RAD50: variants seen among roughly 807,000 people sequenced by gnomAD.
The protein encoded by RAD50 is RAD50 double strand break repair protein.
A neutral mutation model predicts 168.8 loss-of-function variants in RAD50; 132 were observed. That is an observed-to-expected ratio of 0.78 (90% CI 0.68 to 0.90). The LOEUF is 0.90. Among genes scored for constraint, RAD50 ranks in the 40% least tolerant of loss-of-function variants. RAD50 has a pLI of 0.00. For synonymous variants in RAD50, 525 were observed against 497.4 expected, an observed-to-expected ratio of 1.06 and a Z score of -0.74; for missense variants, 1,347 against 1,534.4, an observed-to-expected ratio of 0.88 and a Z score of 2.04.
intron 21 of RAD50, among the ~76,000 whole-genome samples, chr5:132,622,208 TA>T (rs1405290694): frequency 6.6e-5 from 10 of 152,104 alleles, no homozygotes; most frequent in Non-Finnish European, 1.5e-4. Flanking sequence ...TCGCCCAGGC[TA>T]GAGTGCAGTG....
chr5:132,580,556 C>A (rs758169177), intron 5 of RAD50, among the ~76,000 whole-genome samples: 6 of 152,118 alleles, frequency 3.9e-5, no homozygotes, highest in Non-Finnish European at 8.8e-5. Flanking sequence ...TGACATCTTT[C>A]TAGAGAATTT....
At chr5:132,609,883 G>A (rs891889456) in intron 19 of RAD50, among the ~76,000 whole-genome samples, 3 of 151,656 alleles carry the variant, frequency 2.0e-5, no homozygotes, top group African/African-American at 4.8e-5. Context: ...GTAAAAGTTC[G>A]AACATAAAGG....
intron 2 of RAD50, among the ~76,000 whole-genome samples, chr5:132,568,502 A>G (rs111325768): frequency 1.3e-5 from 2 of 152,222 alleles, no homozygotes; most frequent in South Asian, 2.1e-4. Context: ...AAGAAGCTGA[A>G]TGCATCACAA....
rs1449000621 is a variant in RAD50, at chr5:132,644,109, C to T, written c.*1745C>T. On this transcript the variant is annotated 3_prime_UTR_variant, in exon 25 of 25. Coordinates refer to ENST00000378823, the MANE Select transcript of RAD50 (RefSeq NM_005732.4). The stretch of plus-strand genomic sequence containing the variant: ...TTAATGAAAGTGCTAGTTGTTGCAG[C>T]AAAGAATAACAAAGGCAATACACGA... 5.2e-6 allele frequency: 1 copy of T among 191,160 alleles called. No individual in the cohort carries two copies. Among genetic ancestry groups the T allele is most frequent in the African/African-American group, 2.3e-5 (1 of 43,028 alleles). The allele number at this position is 191,160 out of a possible 1,614,324, so 11.8% of individuals were successfully genotyped here.
rs1441242803 is a variant in RAD50, at chr5:132,587,954, G to T, written c.916G>T (p.Asp306Tyr). Residue 306 changes from aspartate (D) to tyrosine (Y), a missense_variant, in exon 7 of 25, where the codon GAC (aspartate) becomes TAC (tyrosine). Coordinates refer to ENST00000378823, the MANE Select transcript of RAD50 (RefSeq NM_005732.4). Reference sequence around the variant, plus strand: ...TCAAGGGACTGATGAGCAACTAAATGACTTATATCACAATCACCAGAGAAC... The same window carrying T: ...TCAAGGGACTGATGAGCAACTAAATTACTTATATCACAATCACCAGAGAAC... ...VFQGTDEQLN[D>Y]LYHNHQRTVR... 1 of 1,613,144 alleles carries T rather than the reference G, an allele frequency of 6.2e-7. No homozygotes were observed. The highest frequency in any genetic ancestry group is 1.7e-5 in the Admixed American group (1 of 60,002).
rs1477954669 is a variant in RAD50 at position 132,644,764 on chromosome 5, G to A, written c.*2400G>A. ...AAGTGATGGTCTAATACAACTCCTTGGCCTCTCAGTCTTTTTTATTTTTTG... is the reference window on the plus strand; with the variant it reads ...AAGTGATGGTCTAATACAACTCCTTAGCCTCTCAGTCTTTTTTATTTTTTG... On this transcript the variant is annotated 3_prime_UTR_variant, in exon 25 of 25. Transcript: ENST00000378823. 1 of 152,518 alleles carries A rather than the reference G, an allele frequency of 6.6e-6. No homozygotes were observed. The highest frequency in any genetic ancestry group is 1.5e-4 in the East Asian group (1 of 6,788). The allele number at this position is 152,518 out of a possible 1,614,324, so 9.4% of individuals were successfully genotyped here. A position where few individuals can be genotyped will look rare whatever the true frequency, so the allele number is the denominator to read the frequency against.
rs558511286 is a variant in RAD50, at chr5:132,622,818, C to T, written c.3389+4524C>T. On this transcript the variant is annotated intron_variant, in intron 21 of 24. Coordinates refer to ENST00000378823, the MANE Select transcript of RAD50 (RefSeq NM_005732.4). The stretch of plus-strand genomic sequence containing the variant: ...AGTGTTGTTTTTTCTATGAGACTCC[C>T]TTGTGACCTTTCCTTGTAGAGGTCC... Among the ~76,000 whole-genome samples, 279 of 151,568 alleles carry T rather than the reference C, an allele frequency of 1.8e-3. 1 individual carries two copies. Among genetic ancestry groups the T allele is most frequent in the African/African-American group, 6.4e-3 (265 of 41,280 alleles).
At chr5:132,610,436 CAA>C (rs1751065007) in intron 19 of RAD50, among the ~76,000 whole-genome samples, 1 of 151,920 alleles carries the variant, frequency 6.6e-6, no homozygotes, top group Admixed American at 6.6e-5. Context: ...ATAGTATAAT[CAA>C]AATCATATTA....
At chr5:132,590,501 T>A (rs1750679379) in intron 9 of RAD50, among the ~76,000 whole-genome samples, 1 of 152,164 alleles carries the variant, frequency 6.6e-6, no homozygotes, top group African/African-American at 2.4e-5. Context: ...TGCCAAAGTT[T>A]TAAAAAAGCA....
chr5:132,608,154 T>C (rs1478558656), intron 16 of RAD50, among the ~76,000 whole-genome samples: 2 of 152,220 alleles, frequency 1.3e-5, no homozygotes, highest in Non-Finnish European at 2.9e-5. Flanking sequence ...CATCATGTTT[T>C]CATCTGAAAA....
chr5:132,598,611 T>C (rs1350147576), intron 13 of RAD50, among the ~76,000 whole-genome samples: 1 of 152,204 alleles, frequency 6.6e-6, no homozygotes, highest in East Asian at 1.9e-4. Flanking sequence ...TCTCAAAGCA[T>C]AACCGAGCTG....
intron 21 of RAD50, among the ~76,000 whole-genome samples, chr5:132,631,645 G>T (rs1460907202): frequency 6.6e-6 from 1 of 152,134 alleles, no homozygotes; most frequent in Non-Finnish European, 1.5e-5. Context: ...GATGTTAAAT[G>T]CCTGTAAAGT....
At chr5:132,640,844 C>T (rs780753860) in intron 24 of RAD50, 39 bp downstream of exon 24, 2 of 1,613,100 alleles carry the variant, frequency 1.2e-6, no homozygotes, top group African/African-American at 2.7e-5. Flanking sequence ...GAGTAAGTAT[C>T]TCACATTTGG....
At chr5:132,566,687 C>G (rs184891516) in intron 2 of RAD50, among the ~76,000 whole-genome samples, 36 of 152,352 alleles carry the variant, frequency 2.4e-4, no homozygotes, top group East Asian at 1.2e-3. Context: ...ATGCAATTCC[C>G]CTGGTTCAAA....
At chr5:132,601,357 C>CATAT (rs772623598) in intron 13 of RAD50, among the ~76,000 whole-genome samples, 14 of 152,264 alleles carry the variant, frequency 9.2e-5, no homozygotes, top group Non-Finnish European at 1.9e-4. Context: ...AAACCTAGAC[C>CATAT]ATATTGATGA....
intron 2 of RAD50, among the ~76,000 whole-genome samples, chr5:132,574,094 C>T (rs1208241901): frequency 6.6e-6 from 1 of 152,218 alleles, no homozygotes; most frequent in Non-Finnish European, 1.5e-5. Context: ...CTTCTCACAG[C>T]TCCACTAGGC....
chr5:132,616,301 T>C (rs1483926806), intron 20 of RAD50, among the ~76,000 whole-genome samples, 171 bp downstream of exon 20: 1 of 152,236 alleles, frequency 6.6e-6, no homozygotes, highest in East Asian at 1.9e-4. Flanking sequence ...TTAAGAACTT[T>C]ATTACTGAAG....
At chr5:132,565,388 G>A (rs1242564790) in intron 2 of RAD50, among the ~76,000 whole-genome samples, 5 of 151,760 alleles carry the variant, frequency 3.3e-5, no homozygotes, top group South Asian at 4.2e-4. Flanking sequence ...ATGTCTCATC[G>A]TTGCATCAGG....
At chr5:132,638,426 A>G (rs1751641479) in intron 23 of RAD50, among the ~76,000 whole-genome samples, 1 of 152,254 alleles carries the variant, frequency 6.6e-6, no homozygotes, top group Non-Finnish European at 1.5e-5. Context: ...GTAGACTTTT[A>G]AAAGAAGGGC....
Sources: gnomAD v4.1 joint callset for allele counts (sites outside exome capture counted in the v4.1 genomes callset) on GRCh38, gnomAD v4.1.1 for gene constraint, MANE v1.5 for transcripts, NCBI Gene and HGNC (gene_info 2026-07-23, HGNC 2026-07-21) for gene names.